KLKB1: variants seen among roughly 807,000 people sequenced by gnomAD.
The protein encoded by KLKB1 is kallikrein B1.
In KLKB1, 58 loss-of-function variants were observed where a neutral mutation model predicts 73.6. The ratio of observed to expected loss-of-function variants is 0.79; its 90% CI spans 0.64 to 0.98. KLKB1 has a LOEUF of 0.98. Ranked by LOEUF, KLKB1 falls within the 50% of genes least tolerant of loss-of-function variation. KLKB1 has a pLI of 0.00. For missense variants in KLKB1, 737 were observed against 763.8 expected, an observed-to-expected ratio of 0.96 and a Z score of 0.41; for synonymous variants, 280 against 258.1, an observed-to-expected ratio of 1.08 and a Z score of -0.81.
intron 11 of KLKB1, 70 bp from the exon 12 acceptor site, chr4:186,254,518 A>G: frequency 8.0e-7 from 1 of 1,243,046 alleles, no homozygotes; most frequent in South Asian, 1.2e-5. Flanking sequence ...AAAGAGAGTG[A>G]TAGGAAAAAG....
At chr4:186,221,961 T>G (rs1408883644), upstream of KLKB1, among the ~76,000 whole-genome samples, 1 of 152,206 alleles carries the variant, frequency 6.6e-6, no homozygotes, top group Non-Finnish European at 1.5e-5. Flanking sequence ...TACATGTGTA[T>G]TTACAATTGT....
rs1448700296 is a variant in KLKB1 at position 186,255,975 on chromosome 4, TA to T, written c.1490-12del. On this transcript the variant is annotated splice_polypyrimidine_tract_variant and intron_variant, in intron 12 of 14. Coordinates refer to ENST00000264690, the MANE Select transcript of KLKB1 (RefSeq NM_000892.5). Reference sequence around the variant, plus strand: ...AACTTTATTTGACCAAACTCTAATTTAAAAATTATGTTTCAGAATTCCAAAA... The same window carrying T: ...AACTTTATTTGACCAAACTCTAATTTAAAATTATGTTTCAGAATTCCAAAA... 6.6e-7 allele frequency: 1 copy of T among 1,520,100 alleles called. No homozygotes were observed. The highest frequency in any genetic ancestry group is 2.3e-5 in the East Asian group (1 of 44,424). 94.2% of individuals were successfully genotyped at this position (1,520,100 alleles called of 1,614,324 possible).
At chr4:186,237,524 G>C (rs28681094) in intron 5 of KLKB1, among the ~76,000 whole-genome samples, 1 of 152,148 alleles carries the variant, frequency 6.6e-6, no homozygotes, top group South Asian at 2.1e-4. Flanking sequence ...GCTGATTCTT[G>C]CAGGTCTTTC....
Position 186,238,373 on chromosome 4 carries a change from T to C in KLKB1, c.598+8T>C. The C allele has an allele frequency of 6.4e-7, 1 of 1,565,060 alleles. No homozygotes were observed. The highest frequency in any genetic ancestry group is 8.8e-7 in the Non-Finnish European group (1 of 1,135,266). On this transcript the variant is annotated splice_region_variant and intron_variant, in intron 6 of 14. Coordinates refer to ENST00000264690, the MANE Select transcript of KLKB1 (RefSeq NM_000892.5). ...GTGCCCTTTCAGAAATTGGTAATTGTAGGACTACTTCACTTTGTGATTGTG... is the reference window on the plus strand; with the variant it reads ...GTGCCCTTTCAGAAATTGGTAATTGCAGGACTACTTCACTTTGTGATTGTG...
At chr4:186,251,688 C>T in intron 9 of KLKB1, 39 bp downstream of exon 9, 1 of 1,606,760 alleles carries the variant, frequency 6.2e-7, no homozygotes, top group Non-Finnish European at 8.5e-7. Context: ...GTTGACATGA[C>T]CATTTCATAT....
At chr4:186,217,068 C>T (rs1736922234) in intron 2 of KLKB1, among the ~76,000 whole-genome samples, 1 of 152,174 alleles carries the variant, frequency 6.6e-6, no homozygotes, top group Non-Finnish European at 1.5e-5. Flanking sequence ...CTTACCACGC[C>T]TCTTTTCAAT....
In KLKB1 at chr4:186,252,290, G is replaced by T. The variant is rs1738725101; in HGVS notation, c.1313+105G>T. 3 of 1,219,464 alleles carry T rather than the reference G, an allele frequency of 2.5e-6. No homozygotes were observed. In the Admixed American group the frequency reaches 5.4e-5, roughly 22 times the overall value. 75.5% of individuals were successfully genotyped at this position (1,219,464 alleles called of 1,614,324 possible). ...CATGTGACTTTATGAATAGAGACGT[G>T]TTAAAGCGGGGATGGTATTCACAAC... On this transcript the variant is annotated intron_variant, in intron 11 of 14. Transcript: ENST00000264690.
chr4:186,236,715 TG>T (rs1737708685), intron 4 of KLKB1, 65 bp from the exon 5 acceptor site: 12 of 1,523,674 alleles, frequency 7.9e-6, no homozygotes, highest in Middle Eastern at 2.0e-4. Flanking sequence ...CAAATGGTAG[TG>T]GGTATCTAAT....
At chr4:186,245,824 G>GTTTTTTTTTTTTTTTTTTTTT (rs1402408736) in intron 6 of KLKB1, among the ~76,000 whole-genome samples, 7 of 110,030 alleles carry the variant, frequency 6.4e-5, no homozygotes, top group East Asian at 3.0e-4. Flanking sequence ...TTGTTTTTTG[G>GTTTTTTTTTTTTTTTTTTTTT]TTTTTTTTTT....
intron 2 of KLKB1, chr4:186,213,464 T>C (rs1034642320): frequency 6.6e-6 from 1 of 152,258 alleles, no homozygotes; most frequent in African/African-American, 2.4e-5. Flanking sequence ...TTCGAGCTGA[T>C]GTCGTCAGTG....
At chr4:186,234,583 A>G (rs967830306) in intron 4 of KLKB1, among the ~76,000 whole-genome samples, 1 of 152,212 alleles carries the variant, frequency 6.6e-6, no homozygotes, top group Admixed American at 6.5e-5. Context: ...CGTCCACAGC[A>G]AATAATTTTC....
chr4:186,210,855 A>G, intron 2 of KLKB1: 1 of 534,562 alleles, frequency 1.9e-6, no homozygotes, highest in South Asian at 2.1e-5. Flanking sequence ...TTTTTTTGAA[A>G]CCGTGTCTCA....
At position 186,250,445 on chromosome 4, in the gene KLKB1, T is replaced by A. The variant is rs1268429149; in HGVS notation, c.758+43T>A. 2.5e-6 allele frequency: 4 copies of A among 1,592,586 alleles called. No homozygotes were observed. The South Asian group carries it at 4.4e-5, about 18-fold the overall frequency. On this transcript the variant is annotated intron_variant, in intron 7 of 14. Coordinates refer to ENST00000264690, the MANE Select transcript of KLKB1 (RefSeq NM_000892.5). ...ATCGCATCACAAAGGCGAGTATGCA[T>A]GGGGAGCACTTGCTGCTGTACTTTC...
chr4:186,233,270 A>T (rs4253246), intron 3 of KLKB1, among the ~76,000 whole-genome samples: 15,888 of 152,244 alleles, frequency 0.1, 916 homozygotes, highest in South Asian at 0.19. Flanking sequence ...CCACAGTTTC[A>T]TCTTAATGAT....
intron 4 of KLKB1, 111 bp downstream of exon 4, chr4:186,234,169 G>T: frequency 1.3e-6 from 1 of 784,338 alleles, no homozygotes; most frequent in Non-Finnish European, 2.2e-6. Flanking sequence ...CACTCATAAA[G>T]ATAGGAGATG....
At chr4:186,239,286 C>T (rs543307247) in intron 6 of KLKB1, among the ~76,000 whole-genome samples, 140 of 142,228 alleles carry the variant, frequency 9.8e-4, no homozygotes, top group Non-Finnish European at 1.5e-3. Context: ...AAAACTAGTA[C>T]AGTGATACTG....
intron 6 of KLKB1, among the ~76,000 whole-genome samples, chr4:186,247,449 A>G (rs553764741): frequency 6.6e-6 from 1 of 152,222 alleles, no homozygotes; most frequent in Admixed American, 6.5e-5. Flanking sequence ...GGAGCTTCTG[A>G]GCCAGGAGAA....
upstream of KLKB1, among the ~76,000 whole-genome samples, chr4:186,227,084 A>C (rs1315833359): frequency 6.6e-6 from 1 of 152,060 alleles, no homozygotes; most frequent in Non-Finnish European, 1.5e-5. Context: ...GTTAGGTTCT[A>C]TCTTAACTGT....
intron 2 of KLKB1, among the ~76,000 whole-genome samples, chr4:186,218,251 G>A (rs1441552092): frequency 6.6e-6 from 1 of 152,094 alleles, no homozygotes; most frequent in East Asian, 1.9e-4. Flanking sequence ...ATGATTCTTT[G>A]GTAGGGTGTA....
Sources: allele counts gnomAD v4.1 joint callset (sites outside exome capture counted in the v4.1 genomes callset), GRCh38; gene constraint gnomAD v4.1.1; transcripts MANE v1.5; gene names NCBI Gene and HGNC (gene_info 2026-07-23, HGNC 2026-07-21).